SPMAP2L: variants seen among roughly 807,000 people sequenced by gnomAD.
SPMAP2L encodes the protein sperm microtubule associated protein 2 like.
At chr4:56,583,573 G>T in the SPMAP2L span, among the ~76,000 whole-genome samples, 1 of 152,142 alleles carries the variant, frequency 6.6e-6, no homozygotes, top group East Asian at 1.9e-4. Context: ...AGGCTCGTAG[G>T]TTTGTCATTT....
the SPMAP2L span, among the ~76,000 whole-genome samples, chr4:56,587,663 G>T: frequency 6.6e-6 from 1 of 152,040 alleles, no homozygotes; most frequent in Non-Finnish European, 1.5e-5. Context: ...CCTTTTTATG[G>T]CTGAGTAGTA....
At chr4:56,543,336 G>C in the SPMAP2L span, among the ~76,000 whole-genome samples, 2,107 of 152,118 alleles carry the variant, frequency 0.014, 54 homozygotes, top group African/African-American at 0.049. Context: ...GCCCACCTTG[G>C]CCTCCCAAAG....
the SPMAP2L span, among the ~76,000 whole-genome samples, chr4:56,544,436 T>G: frequency 6.6e-6 from 1 of 152,170 alleles, no homozygotes; most frequent in Non-Finnish European, 1.5e-5. Context: ...TCATACTCAG[T>G]CATTTATAGT....
the SPMAP2L span, chr4:56,594,627 G>A: frequency 7.2e-7 from 1 of 1,393,480 alleles, no homozygotes; most frequent in Non-Finnish European, 1.0e-6. Context: ...AACCCAACAA[G>A]TGCCCACATG....
At chr4:56,593,517 C>T in the SPMAP2L span, 6 of 1,599,010 alleles carry the variant, frequency 3.8e-6, no homozygotes, top group East Asian at 1.3e-4. Flanking sequence ...AGAGTGGGAG[C>T]CTGGCCTGCT....
the SPMAP2L span, among the ~76,000 whole-genome samples, chr4:56,531,382 C>T: frequency 2.6e-5 from 4 of 152,176 alleles, no homozygotes; most frequent in Admixed American, 1.3e-4. Flanking sequence ...GAAACTGACA[C>T]CCTGATAATG....
the SPMAP2L span, chr4:56,596,535 G>C: frequency 1.3e-6 from 2 of 1,532,254 alleles, no homozygotes; most frequent in East Asian, 4.9e-5. Flanking sequence ...CCCTGAGTGC[G>C]ATTGCAACTC....
chr4:56,530,985 C>T, the SPMAP2L span: 1 of 1,535,414 alleles, frequency 6.5e-7, no homozygotes, highest in Non-Finnish European at 8.7e-7. Context: ...CTTACGAACT[C>T]CATGGGCCCC....
At chr4:56,553,713 G>C in the SPMAP2L span, among the ~76,000 whole-genome samples, 20 of 150,464 alleles carry the variant, frequency 1.3e-4, no homozygotes, top group Non-Finnish European at 2.2e-4. Context: ...TTACATTAAG[G>C]TTCACTTTTT....
chr4:56,549,145 C>T, the SPMAP2L span, among the ~76,000 whole-genome samples: 1 of 151,970 alleles, frequency 6.6e-6, no homozygotes, highest in Non-Finnish European at 1.5e-5. Flanking sequence ...TGTGCCACCA[C>T]ACCCAGCTAA....
the SPMAP2L span, among the ~76,000 whole-genome samples, chr4:56,556,076 C>T: frequency 2.0e-5 from 3 of 152,126 alleles, no homozygotes; most frequent in Admixed American, 6.6e-5. Flanking sequence ...AGTAACTTAC[C>T]CAATTCAACT....
chr4:56,593,735 G>A, the SPMAP2L span: 187 of 1,569,494 alleles, frequency 1.2e-4, no homozygotes, highest in Non-Finnish European at 1.6e-4. Context: ...TGGGAAAGAA[G>A]TGTATTGTCT....
the SPMAP2L span, chr4:56,531,165 G>A: frequency 6.5e-7 from 1 of 1,528,498 alleles, no homozygotes; most frequent in Non-Finnish European, 8.8e-7. Context: ...TGTCTTTCCT[G>A]GGTGGTAGGT....
At chr4:56,621,840 G>A in the SPMAP2L span, among the ~76,000 whole-genome samples, 1 of 152,204 alleles carries the variant, frequency 6.6e-6, no homozygotes, top group Non-Finnish European at 1.5e-5. Context: ...AGGAAAGGGA[G>A]AGAGAATGAA....
At chr4:56,572,909 G>C in the SPMAP2L span, among the ~76,000 whole-genome samples, 12 of 152,000 alleles carry the variant, frequency 7.9e-5, no homozygotes, top group Non-Finnish European at 1.6e-4. Context: ...CTAGCTACTT[G>C]GGAAGCTGAG....
At chr4:56,599,956 G>A in the SPMAP2L span, among the ~76,000 whole-genome samples, 1 of 152,070 alleles carries the variant, frequency 6.6e-6, no homozygotes, top group South Asian at 2.1e-4. Flanking sequence ...ACCACAATGA[G>A]ATACCATCTC....
chr4:56,571,138 AC>A, the SPMAP2L span, among the ~76,000 whole-genome samples: 2 of 151,046 alleles, frequency 1.3e-5, no homozygotes, highest in Non-Finnish European at 2.9e-5. Flanking sequence ...AAAAAAAAAA[AC>A]AAAAAACCTT....
chr4:56,593,412 C>T, the SPMAP2L span: 47 of 1,414,424 alleles, frequency 3.3e-5, no homozygotes, highest in East Asian at 1.0e-3. Context: ...GTGAAATGGA[C>T]TTCAGTGGAA....
At chr4:56,539,048 C>G in the SPMAP2L span, among the ~76,000 whole-genome samples, 1 of 152,228 alleles carries the variant, frequency 6.6e-6, no homozygotes, top group Non-Finnish European at 1.5e-5. Flanking sequence ...TGAGCGACTA[C>G]TAAGTCACTC....
Sources: allele counts gnomAD v4.1 joint callset (sites outside exome capture counted in the v4.1 genomes callset), GRCh38; gene constraint gnomAD v4.1.1; transcripts MANE v1.5; gene names NCBI Gene and HGNC (gene_info 2026-07-23, HGNC 2026-07-21).